EYS: variants seen among roughly 807,000 people sequenced by gnomAD.
EYS encodes EGF-like photoreceptor maintenance factor.
EYS carries 250 observed loss-of-function variants against 282.1 expected under a neutral mutation model. The observed-to-expected ratio is 0.89, with a 90% CI of 0.80 to 0.98. The LOEUF is 0.98. EYS is among the 50% of genes least tolerant of loss of function. The probability of loss-of-function intolerance (pLI) is 0.00; values close to 1 mark genes in which losing one functional copy is unlikely to be tolerated. For missense variants in EYS, 4,016 were observed against 3,709.0 expected (o/e 1.08, Z -2.15); for synonymous variants, 1,355 against 1,282.9 (o/e 1.06, Z -1.20).
At chr6:65,624,071 C>T (rs543964899) in intron 2 of EYS, among the ~76,000 whole-genome samples, 1 of 152,248 alleles carries the variant, frequency 6.6e-6, no homozygotes, top group South Asian at 2.1e-4. Context: ...AACATTACAA[C>T]TTAATTCAAT....
At chr6:65,290,660 A>C (rs184089520) in intron 12 of EYS, among the ~76,000 whole-genome samples, 14 of 151,448 alleles carry the variant, frequency 9.2e-5, no homozygotes, top group Non-Finnish European at 1.6e-4. Context: ...AAGTCAGCAC[A>C]AGATTGTAAG....
chr6:65,349,437 A>G (rs73744318), intron 9 of EYS, among the ~76,000 whole-genome samples: 1,967 of 151,670 alleles, frequency 0.013, 45 homozygotes, highest in African/African-American at 0.044. Flanking sequence ...ATAAAATAAT[A>G]TGAAGAGTTG....
intron 22 of EYS, among the ~76,000 whole-genome samples, chr6:64,697,252 C>T (rs1038820531): frequency 6.6e-6 from 1 of 151,992 alleles, no homozygotes; most frequent in South Asian, 2.1e-4. Flanking sequence ...AGAAGCTATA[C>T]TTATATCAGA....
chr6:65,104,235 T>C (rs1347563678), intron 12 of EYS, among the ~76,000 whole-genome samples: 2 of 151,532 alleles, frequency 1.3e-5, no homozygotes, highest in Admixed American at 6.6e-5. Flanking sequence ...CTTTTCTGAA[T>C]GTTACTTATG....
intron 22 of EYS, among the ~76,000 whole-genome samples, chr6:64,644,770 G>C (rs776295612): frequency 3.9e-5 from 6 of 152,092 alleles, no homozygotes; most frequent in Non-Finnish European, 8.8e-5. Context: ...TAATGGTCTG[G>C]GTTCTCTTAC....
chr6:65,491,492 T>A (rs1469839580), intron 4 of EYS: 1 of 350,882 alleles, frequency 2.8e-6, no homozygotes, highest in East Asian at 7.7e-5. Context: ...TTATGAGCAG[T>A]TTTTGCCATT....
At chr6:65,631,311 G>A (rs978877512) in intron 2 of EYS, among the ~76,000 whole-genome samples, 9 of 152,058 alleles carry the variant, frequency 5.9e-5, no homozygotes, top group African/African-American at 2.2e-4. Flanking sequence ...CGTGAGGTGG[G>A]GTGGAAGAAT....
intron 14 of EYS, among the ~76,000 whole-genome samples, chr6:64,969,942 T>A (rs536641166): frequency 2.2e-4 from 33 of 152,310 alleles, no homozygotes; most frequent in African/African-American, 7.5e-4. Flanking sequence ...TAGATTGTCA[T>A]ACCAATGATT....
intron 41 of EYS, among the ~76,000 whole-genome samples, chr6:63,729,592 TC>T (rs1768729354): frequency 1.3e-5 from 2 of 152,114 alleles, no homozygotes; most frequent in Non-Finnish European, 2.9e-5. Context: ...GATTATCCTT[TC>T]CCCATTTTAT....
chr6:65,254,513 A>C (rs1767409335), intron 12 of EYS, among the ~76,000 whole-genome samples: 1 of 151,906 alleles, frequency 6.6e-6, no homozygotes, highest in Non-Finnish European at 1.5e-5. Context: ...TAACTTTCTA[A>C]ATTTCAGTAC....
chr6:65,645,287 C>A (rs1383357074), intron 1 of EYS, among the ~76,000 whole-genome samples: 1 of 152,064 alleles, frequency 6.6e-6, no homozygotes, highest in Non-Finnish European at 1.5e-5. Context: ...TGATAGGCCA[C>A]AAATAAGTCT....
intron 5 of EYS, among the ~76,000 whole-genome samples, chr6:65,469,602 T>C (rs937053069): frequency 6.6e-6 from 1 of 152,160 alleles, no homozygotes; most frequent in African/African-American, 2.4e-5. Flanking sequence ...GTTTTTCTTT[T>C]AAAATTATTC....
intron 29 of EYS, among the ~76,000 whole-genome samples, chr6:64,356,103 T>A (rs1442903081): frequency 6.6e-6 from 1 of 151,554 alleles, no homozygotes; most frequent in African/African-American, 2.4e-5. Flanking sequence ...AAATATAAAT[T>A]ATAAAATTTT....
At chr6:64,060,284 A>G (rs1771120561) in intron 33 of EYS, among the ~76,000 whole-genome samples, 1 of 152,170 alleles carries the variant, frequency 6.6e-6, no homozygotes, top group South Asian at 2.1e-4. Flanking sequence ...TAGAGTATGG[A>G]TATTCTTTTT....
chr6:65,106,608 A>G (rs1259654261), intron 12 of EYS, among the ~76,000 whole-genome samples: 5 of 152,030 alleles, frequency 3.3e-5, no homozygotes, highest in Non-Finnish European at 7.4e-5. Context: ...TGATGCATCG[A>G]TCCTAGTATA....
In EYS at chr6:64,277,177, C is replaced by T. The variant is rs145833158; in HGVS notation, c.6191+29793G>A. On this transcript the variant is annotated intron_variant, in intron 30 of 42. Coordinates refer to ENST00000503581, the MANE Select transcript of EYS (RefSeq NM_001142800.2). ...TCACGTATTGAACAAAACACAAACT[C>T]TCTCCTAATGCTTGTCCCCCAAATA... Among the ~76,000 whole-genome samples, 1,312 of 152,216 alleles carry T rather than the reference C, an allele frequency of 8.6e-3. 27 individuals carry two copies. The highest frequency in any genetic ancestry group is 0.029 in the African/African-American group (1,203 of 41,556).
intron 29 of EYS, among the ~76,000 whole-genome samples, chr6:64,347,962 G>T (rs977453772): frequency 2.0e-5 from 3 of 151,212 alleles, no homozygotes; most frequent in Non-Finnish European, 4.4e-5. Flanking sequence ...TTGTATTAAA[G>T]ATAAAGATAC....
intron 12 of EYS, among the ~76,000 whole-genome samples, chr6:65,061,018 C>A (rs1773560105): frequency 6.6e-6 from 1 of 151,676 alleles, no homozygotes; most frequent in African/African-American, 2.4e-5. Flanking sequence ...TAGGACAAAT[C>A]ATTAACAAAA....
At chr6:64,329,567 C>T (rs116602384) in intron 29 of EYS, among the ~76,000 whole-genome samples, 4,749 of 151,974 alleles carry the variant, frequency 0.031, 234 homozygotes, top group African/African-American at 0.11. Context: ...AAGACAATCC[C>T]CCGGGGCTAG....
Sources: gnomAD v4.1 joint callset for allele counts (sites outside exome capture counted in the v4.1 genomes callset) on GRCh38, gnomAD v4.1.1 for gene constraint, MANE v1.5 for transcripts, NCBI Gene and HGNC (gene_info 2026-07-23, HGNC 2026-07-21) for gene names.